Variants in EYS observed in about 807,000 individuals in gnomAD.
The protein encoded by EYS is protein eyes shut homolog.
EYS carries 250 observed loss-of-function variants against 282.1 expected under a neutral mutation model. That is an observed-to-expected ratio of 0.89 (90% CI 0.80 to 0.98). The LOEUF (loss-of-function observed/expected upper bound fraction) is 0.98, where lower values mean the gene tolerates loss of function less well. EYS is among the 50% of genes least tolerant of loss of function. The pLI, the probability that EYS is intolerant of heterozygous loss-of-function variation, is 0.00. For missense variants in EYS, 4,016 were observed against 3,709.0 expected, an observed-to-expected ratio of 1.08 and a Z score of -2.15; for synonymous variants, 1,355 against 1,282.9, an observed-to-expected ratio of 1.06 and a Z score of -1.20.
chr6:64,546,141 C>G (rs944596335), intron 26 of EYS, among the ~76,000 whole-genome samples: 1 of 152,106 alleles, frequency 6.6e-6, no homozygotes, highest in Admixed American at 6.5e-5. Flanking sequence ...GGTACAGTAA[C>G]CAAAACAGCA....
intron 22 of EYS, among the ~76,000 whole-genome samples, chr6:64,780,044 A>T (rs1165133571): frequency 6.6e-6 from 1 of 152,182 alleles, no homozygotes; most frequent in Non-Finnish European, 1.5e-5. Flanking sequence ...AATGAACACA[A>T]TCCAGGGCTT....
chr6:65,156,704 C>T (rs1006417600), intron 12 of EYS, among the ~76,000 whole-genome samples: 1 of 151,024 alleles, frequency 6.6e-6, no homozygotes, highest in Non-Finnish European at 1.5e-5. Flanking sequence ...AGACCATTTC[C>T]CTCTGATATT....
In EYS at chr6:65,018,721, A is replaced by T. The variant is rs564974361; in HGVS notation, c.2138-21018T>A. Among the ~76,000 whole-genome samples, 11 of 151,984 alleles carry T rather than the reference A, an allele frequency of 7.2e-5. No homozygotes were observed. In the East Asian group the frequency reaches 1.2e-3, roughly 16 times the overall value. ...TTTGTTTGTTTAGAAGTTTTTTTTTAAAAGACCATGTTCTTCTAATTGTTC... is the reference window on the plus strand; with the variant it reads ...TTTGTTTGTTTAGAAGTTTTTTTTTTAAAGACCATGTTCTTCTAATTGTTC... On this transcript the variant is annotated intron_variant, in intron 13 of 42. Coordinates refer to ENST00000503581, the MANE Select transcript of EYS (RefSeq NM_001142800.2).
intron 36 of EYS, among the ~76,000 whole-genome samples, chr6:63,856,014 AGTT>A (rs1384618827): frequency 9.0e-6 from 1 of 110,584 alleles, no homozygotes; most frequent in Admixed American, 9.6e-5. Context: ...GTTTCAGTGA[AGTT>A]TTTTTTTTTT....
At chr6:63,978,796 A>T (rs896981785) in intron 35 of EYS, among the ~76,000 whole-genome samples, 9 of 152,018 alleles carry the variant, frequency 5.9e-5, no homozygotes, top group African/African-American at 2.2e-4. Context: ...TATGCCTCCT[A>T]CCTCATTTTG....
intron 12 of EYS, among the ~76,000 whole-genome samples, chr6:65,139,150 T>C (rs1254351664): frequency 6.6e-6 from 1 of 152,096 alleles, no homozygotes; most frequent in African/African-American, 2.4e-5. Flanking sequence ...ATCGCAGCAC[T>C]ATTCACAATA....
chr6:65,387,896 G>C (rs1449078528), intron 7 of EYS, among the ~76,000 whole-genome samples: 3 of 151,882 alleles, frequency 2.0e-5, no homozygotes, highest in African/African-American at 7.3e-5. Context: ...TGCATACATG[G>C]GGATTCTGAT....
At chr6:65,280,202 C>T (rs1201651625) in intron 12 of EYS, among the ~76,000 whole-genome samples, 1 of 152,196 alleles carries the variant, frequency 6.6e-6, no homozygotes, top group Non-Finnish European at 1.5e-5. Context: ...TTGTTAGCCA[C>T]TCTTCCAATC....
At chr6:64,207,595 G>C (rs190248892) in intron 31 of EYS, among the ~76,000 whole-genome samples, 2 of 152,186 alleles carry the variant, frequency 1.3e-5, no homozygotes, top group East Asian at 3.9e-4. Context: ...GAGAAGGTAA[G>C]GGAAGAAAAT....
At position 64,151,362 on chromosome 6, in the gene EYS, T is replaced by TA. The variant is rs1458348098; in HGVS notation, c.6425-69361dup. On this transcript the variant is annotated intron_variant, in intron 31 of 42. Coordinates refer to ENST00000503581, the MANE Select transcript of EYS (RefSeq NM_001142800.2). ...ATATATATATATATATATATATATA[T>TA]AATTTTTTTTTTCTTTTGAGATGGA... Among the ~76,000 whole-genome samples the TA allele has an allele frequency of 3.7e-5, 4 of 108,810 alleles. No homozygotes were observed. In the South Asian group the frequency reaches 1.1e-3, roughly 30 times the overall value. The allele number at this position is 108,810 out of a possible 152,430, so 71.4% of individuals were successfully genotyped here.
intron 12 of EYS, among the ~76,000 whole-genome samples, chr6:65,144,785 G>A (rs1301669408): frequency 4.7e-5 from 7 of 148,462 alleles, no homozygotes; most frequent in African/African-American, 1.7e-4. Context: ...TTTTTTTTGA[G>A]ATGGAGTCTC....
chr6:64,050,991 A>T (rs1053184036), intron 33 of EYS, among the ~76,000 whole-genome samples: 3 of 152,150 alleles, frequency 2.0e-5, no homozygotes, highest in Admixed American at 6.6e-5. Flanking sequence ...TTTTTATATT[A>T]TAAGGGGAAT....
intron 5 of EYS, among the ~76,000 whole-genome samples, chr6:65,416,065 G>A (rs991574446): frequency 6.6e-6 from 1 of 151,850 alleles, no homozygotes; most frequent in African/African-American, 2.4e-5. Flanking sequence ...TAATTTAATT[G>A]CACAAGAAGA....
In EYS at chr6:63,734,520, C is replaced by G. The variant is rs574124687; in HGVS notation, c.8072-7840G>C. 3.3e-5 allele frequency among the ~76,000 whole-genome samples: 5 copies of G among 152,136 alleles called. No homozygotes were observed. The South Asian group carries it at 6.2e-4, about 19-fold the overall frequency. ...GGCACTCCCTATCAAGAGGTTATTA[C>G]TATAATACTGGTAAGAAGTGATGGT... On this transcript the variant is annotated intron_variant, in intron 41 of 42. Transcript: ENST00000503581.
chr6:65,683,374 C>A (rs1444003964), intron 1 of EYS, among the ~76,000 whole-genome samples: 1 of 151,570 alleles, frequency 6.6e-6, no homozygotes, highest in African/African-American at 2.4e-5. Flanking sequence ...AAAAACTATC[C>A]TGCCTTTTGT....
At chr6:64,108,711 C>A (rs1773110979) in intron 31 of EYS, among the ~76,000 whole-genome samples, 1 of 149,874 alleles carries the variant, frequency 6.7e-6, no homozygotes, top group South Asian at 2.1e-4. Context: ...GGTTCTATTC[C>A]TGACTGCCAT....
intron 31 of EYS, among the ~76,000 whole-genome samples, chr6:64,088,985 A>G (rs1174450407): frequency 6.6e-6 from 1 of 152,016 alleles, no homozygotes; most frequent in Non-Finnish European, 1.5e-5. Flanking sequence ...CAGAAGAAAC[A>G]GAATATTGTT....
intron 12 of EYS, among the ~76,000 whole-genome samples, chr6:65,221,855 G>A (rs1049994420): frequency 6.6e-6 from 1 of 152,284 alleles, no homozygotes; most frequent in Non-Finnish European, 1.5e-5. Context: ...TGAGGCCATC[G>A]GAACCCACCT....
At chr6:64,378,820 G>A (rs527577393) in intron 29 of EYS, among the ~76,000 whole-genome samples, 1 of 152,176 alleles carries the variant, frequency 6.6e-6, no homozygotes, top group Non-Finnish European at 1.5e-5. Flanking sequence ...GATATTACTG[G>A]CTTCATAAGA....
Sources: allele counts gnomAD v4.1 joint callset (sites outside exome capture counted in the v4.1 genomes callset), GRCh38; gene constraint gnomAD v4.1.1; transcripts MANE v1.5; gene names NCBI Gene and HGNC (gene_info 2026-07-23, HGNC 2026-07-21).